IGSF3: variants seen among roughly 807,000 people sequenced by gnomAD.
IGSF3 encodes glu-Trp-Ile EWI motif-containing protein 3.
Under a neutral mutation model 114.4 loss-of-function variants are expected in IGSF3, and 23 were observed. That is an observed-to-expected ratio of 0.20 (90% CI 0.14 to 0.28). The LOEUF is 0.28. Among genes scored for constraint, IGSF3 ranks in the 10% least tolerant of loss-of-function variants. The pLI, the probability that IGSF3 is intolerant of heterozygous loss-of-function variation, is 1.00. For synonymous variants in IGSF3, 571 were observed against 645.2 expected (o/e 0.88, Z 1.74); for missense variants, 1,172 against 1,591.5 (o/e 0.74, Z 4.48).
In IGSF3 at chr1:116,632,614, T is replaced by C. The variant is rs1647642752; in HGVS notation, c.44-16157A>G. ...ATCCTTTTTCAGGCATATATTTTTGTCTCCTCAAACTTAAGAAAAGCATTA... is the reference window on the plus strand; with the variant it reads ...ATCCTTTTTCAGGCATATATTTTTGCCTCCTCAAACTTAAGAAAAGCATTA... On this transcript the variant is annotated intron_variant, in intron 2 of 10. Transcript: ENST00000369486. The surrounding 1 kb of genome is among the most constrained non-coding windows in gnomAD (Gnocchi z 5.1). Among the ~76,000 whole-genome samples, 1 of 152,124 alleles carries C rather than the reference T, an allele frequency of 6.6e-6. No homozygotes were observed. The highest frequency in any genetic ancestry group is 1.9e-4 in the East Asian group (1 of 5,192).
Position 116,584,404 on chromosome 1 carries a change from A to G in IGSF3, c.2848+241T>C, listed in dbSNP as rs549778153. The stretch of plus-strand genomic sequence containing the variant: ...AATATTCTATGACCTGGAATAATTA[A>G]TGGCCAGATTTTATTCTATTTAAGA... On this transcript the variant is annotated intron_variant, in intron 9 of 10. Coordinates refer to ENST00000369486, the MANE Select transcript of IGSF3 (RefSeq NM_001007237.3). This position sits in a 1 kb window ranked among gnomAD's most constrained non-coding sequence, Gnocchi z 5.8. The G allele has an allele frequency of 2.0e-6, 1 of 500,780 alleles. No homozygotes were observed. The highest frequency in any genetic ancestry group is 3.1e-5 in the East Asian group (1 of 32,006). 31.0% of individuals were successfully genotyped at this position (500,780 alleles called of 1,614,324 possible). A position where few individuals can be genotyped will look rare whatever the true frequency, so the allele number is the denominator to read the frequency against.
chr1:116,590,497 C>A (rs1356778525), intron 7 of IGSF3, among the ~76,000 whole-genome samples: 1 of 152,220 alleles, frequency 6.6e-6, no homozygotes, highest in Non-Finnish European at 1.5e-5. Context: ...CACTTCCCAG[C>A]TGAGAAAGAA....
intron 2 of IGSF3, among the ~76,000 whole-genome samples, chr1:116,653,450 C>T (rs955627513): frequency 1.5e-4 from 23 of 152,178 alleles, no homozygotes; most frequent in African/African-American, 5.3e-4. Context: ...CTGAATCTGG[C>T]CTTATCTTCA....
In IGSF3 at chr1:116,584,716, C is replaced by T; in HGVS notation, c.2777G>A (p.Ser926Asn). The change falls in exon 9 of 11, where the codon AGC becomes AAC. Residue 926 changes from serine (S) to asparagine (N), a missense_variant. By Grantham distance (46) the Ser-to-Asn change is conservative. Coordinates refer to ENST00000369486, the MANE Select transcript of IGSF3 (RefSeq NM_001007237.3). This position sits in a 1 kb window ranked among gnomAD's most constrained non-coding sequence, Gnocchi z 5.8. Reference sequence around the variant, plus strand: ...CCGCTTATACCACATGCCACTGGGGCTGGGCAGCCACTCCTCCACATGGCA... The same window carrying T: ...CCGCTTATACCACATGCCACTGGGGTTGGGCAGCCACTCCTCCACATGGCA... The part of the protein sequence containing the change: ...YSCHVEEWLP[S>N]PSGMWYKRAE... The T allele has an allele frequency of 6.2e-7, 1 of 1,613,554 alleles. No homozygotes were observed. Among genetic ancestry groups the T allele is most frequent in the Non-Finnish European group, 8.5e-7 (1 of 1,179,452 alleles).
rs1233651934 is a variant in IGSF3 at position 116,596,923 on chromosome 1, T to C, written c.2029+3018A>G. ...GTTTACAAGAAATGCTCAGTGAATA[T>C]TAGCTGCTACTGTTGTTACTACCAG... On this transcript the variant is annotated intron_variant, in intron 7 of 10. Coordinates refer to ENST00000369486, the MANE Select transcript of IGSF3 (RefSeq NM_001007237.3). This position sits in a 1 kb window ranked among gnomAD's most constrained non-coding sequence, Gnocchi z 4.1. Among the ~76,000 whole-genome samples, 6 of 152,214 alleles carry C rather than the reference T, an allele frequency of 3.9e-5. No homozygotes were observed. The highest frequency in any genetic ancestry group is 5.9e-5 in the Non-Finnish European group (4 of 68,038).
chr1:116,599,880 T>A (rs1660497568), intron 7 of IGSF3, 61 bp downstream of exon 7: 2 of 1,504,482 alleles, frequency 1.3e-6, no homozygotes, highest in Non-Finnish European at 1.8e-6. Flanking sequence ...CACACCTTTC[T>A]TTTTCCCTCA....
rs1659810229 is a variant in IGSF3 at position 116,585,640 on chromosome 1, T to C, written c.2441-588A>G. 6.6e-6 allele frequency among the ~76,000 whole-genome samples: 1 copy of C among 152,172 alleles called. No individual in the cohort carries two copies. The highest frequency in any genetic ancestry group is 2.4e-5 in the African/African-American group (1 of 41,450). On this transcript the variant is annotated intron_variant, in intron 8 of 10. Coordinates refer to ENST00000369486, the MANE Select transcript of IGSF3 (RefSeq NM_001007237.3). This position sits in a 1 kb window ranked among gnomAD's most constrained non-coding sequence, Gnocchi z 4.9. ...GATATGACATCAGTAAAGAAAAGACTGCCAGACAAGGTGGCTCACGCCTGT... is the reference window on the plus strand; with the variant it reads ...GATATGACATCAGTAAAGAAAAGACCGCCAGACAAGGTGGCTCACGCCTGT...
At chr1:116,609,943 C>T (rs71666799) in intron 4 of IGSF3, among the ~76,000 whole-genome samples, 11 of 152,298 alleles carry the variant, frequency 7.2e-5, no homozygotes, top group African/African-American at 2.2e-4. Flanking sequence ...GCAAATACCC[C>T]TTCTTTCCAG....
At chr1:116,626,263 T>C (rs560281198) in intron 2 of IGSF3, among the ~76,000 whole-genome samples, 3 of 151,668 alleles carry the variant, frequency 2.0e-5, no homozygotes, top group Admixed American at 2.0e-4. Flanking sequence ...AAAAAAAAAA[T>C]GCTTTTATAT....
At position 116,603,709 on chromosome 1, in the gene IGSF3, C is replaced by T; in HGVS notation, c.1539G>A (p.Val513=). 2 of 1,613,984 alleles carry T rather than the reference C, an allele frequency of 1.2e-6. No homozygotes were observed. Among genetic ancestry groups the T allele is most frequent in the Admixed American group, 1.7e-5 (1 of 60,026 alleles). ...CATCCACTGCCCGCACCCATTCAGT[C>T]ACATGGCATTCATACTGGCCCTCGT... ...KEDEGQYECH[V]TEWVRAVDGE... Residue 513 remains valine, a synonymous_variant, in exon 6 of 11, where the codon GTG becomes GTA. Transcript: ENST00000369486. This position sits in a 1 kb window ranked among gnomAD's most constrained non-coding sequence, Gnocchi z 7.1.
chr1:116,644,434 T>C lies in IGSF3; in HGVS notation c.43+21850A>G, dbSNP rs1298976031. 6.6e-6 allele frequency among the ~76,000 whole-genome samples: 1 copy of C among 152,234 alleles called. No individual in the cohort carries two copies. The highest frequency in any genetic ancestry group is 1.5e-5 in the Non-Finnish European group (1 of 68,038). ...CAGCCTCTGGCAGCCGTGATGATGC[T>C]GAGGCAGTGTCCCCACTGCCCCAGT... On this transcript the variant is annotated intron_variant, in intron 2 of 10. Transcript: ENST00000369486. This position sits in a 1 kb window ranked among gnomAD's most constrained non-coding sequence, Gnocchi z 5.6.
intron 4 of IGSF3, among the ~76,000 whole-genome samples, chr1:116,609,664 G>A (rs545977299): frequency 2.6e-5 from 4 of 152,152 alleles, no homozygotes; most frequent in South Asian, 2.1e-4. Context: ...TGGCAGAGAC[G>A]TTTGAATTCC....
In IGSF3 at chr1:116,629,390, A is replaced by G. The variant is rs1283942478; in HGVS notation, c.44-12933T>C. 1.3e-5 allele frequency among the ~76,000 whole-genome samples: 2 copies of G among 152,224 alleles called. No homozygotes were observed. The highest frequency in any genetic ancestry group is 4.8e-5 in the African/African-American group (2 of 41,462). On this transcript the variant is annotated intron_variant, in intron 2 of 10. Coordinates refer to ENST00000369486, the MANE Select transcript of IGSF3 (RefSeq NM_001007237.3). The surrounding 1 kb of genome is among the most constrained non-coding windows in gnomAD (Gnocchi z 4.3). ...TAATAAGGGATTGTTTTTTCTTTGC[A>G]CTTTGTGTTTTCTAAGTATTCCATA...
chr1:116,592,659 G>A lies in IGSF3; in HGVS notation c.2030-3555C>T, dbSNP rs980319571. Among the ~76,000 whole-genome samples the A allele has an allele frequency of 2.0e-5, 3 of 152,224 alleles. No homozygotes were observed. The highest frequency in any genetic ancestry group is 2.9e-5 in the Non-Finnish European group (2 of 68,020). On this transcript the variant is annotated intron_variant, in intron 7 of 10. Transcript: ENST00000369486. The surrounding 1 kb of genome is among the most constrained non-coding windows in gnomAD (Gnocchi z 4.5). Reference sequence around the variant, plus strand: ...CCTCCCTTCGGATTCCACTCTGTGCGTGCTCTTCTCACTCAAAACTCATTT... The same window carrying A: ...CCTCCCTTCGGATTCCACTCTGTGCATGCTCTTCTCACTCAAAACTCATTT...
At chr1:116,659,981 G>GGACC (rs1442054812) in intron 2 of IGSF3, among the ~76,000 whole-genome samples, 4 of 152,082 alleles carry the variant, frequency 2.6e-5, no homozygotes, top group Non-Finnish European at 5.9e-5. Flanking sequence ...CCAAAGCCAG[G>GGACC]GACCACGAGA....
intron 2 of IGSF3, among the ~76,000 whole-genome samples, chr1:116,621,002 G>A (rs576101902): frequency 2.4e-4 from 36 of 152,282 alleles, no homozygotes; most frequent in African/African-American, 8.7e-4. Flanking sequence ...GTTAGAGGTG[G>A]GGCCTGGTGG....
Position 116,584,914 on chromosome 1 carries a change from T to A in IGSF3, c.2579A>T (p.Asn860Ile). ...GGCCACAGTCTCCCGCTCAGGGTGG[T>A]TGGGCTTCCATACAAACCATTCCAC... ...LMVEWFVWKP[N>I]HPERETVARL... is the part of the protein sequence containing the mutation. Residue 860 changes from asparagine (N) to isoleucine (I), a missense_variant, in exon 9 of 11, where the codon AAC (asparagine) becomes ATC (isoleucine). Physicochemically the swap from Asn to Ile is moderately radical, Grantham distance 149. This residue lies in a region of IGSF3 where 423 missense variants were observed against 509.8 expected (regional missense o/e 0.83). Coordinates refer to ENST00000369486, the MANE Select transcript of IGSF3 (RefSeq NM_001007237.3). This position sits in a 1 kb window ranked among gnomAD's most constrained non-coding sequence, Gnocchi z 5.8. The A allele has an allele frequency of 1.9e-6, 3 of 1,614,128 alleles. No individual in the cohort carries two copies. The highest frequency in any genetic ancestry group is 1.7e-6 in the Non-Finnish European group (2 of 1,179,990).
rs770189352 is a variant in IGSF3 at position 116,614,005 on chromosome 1, G to C, written c.592C>G (p.Leu198Val). ...GAGTGAAGCATGAAATCTCGGCTCA[G>C]GGAGATGACCTCCACGGGCTTCTCG... ...VGEKPVEVIS[L>V]SRDFMLHSSS... Residue 198 changes from leucine (L) to valine (V), a missense_variant, in exon 4 of 11, where the codon CTG becomes GTG. By Grantham distance (32) the Leu-to-Val change is conservative (BLOSUM62 1). This residue lies in a region of IGSF3 where 736 missense variants were observed against 1,042.0 expected (regional missense o/e 0.71). Coordinates refer to ENST00000369486, the MANE Select transcript of IGSF3 (RefSeq NM_001007237.3). This position sits in a 1 kb window ranked among gnomAD's most constrained non-coding sequence, Gnocchi z 4.5. 1.2e-6 allele frequency: 2 copies of C among 1,613,946 alleles called. No homozygotes were observed. The highest frequency in any genetic ancestry group is 2.7e-5 in the African/African-American group (2 of 74,922).
rs576221184 is a variant in IGSF3, at chr1:116,654,774, A to G, written c.43+11510T>C. Among the ~76,000 whole-genome samples the G allele has an allele frequency of 1.2e-4, 18 of 152,196 alleles. No individual in the cohort carries two copies. The highest frequency in any genetic ancestry group is 2.2e-4 in the Non-Finnish European group (15 of 68,042). ...AATTCCCAATTCCCACACACAAGCAACATCCCCAGCAGTAATAAGGACGTT... is the reference window on the plus strand; with the variant it reads ...AATTCCCAATTCCCACACACAAGCAGCATCCCCAGCAGTAATAAGGACGTT... On this transcript the variant is annotated intron_variant, in intron 2 of 10. Coordinates refer to ENST00000369486, the MANE Select transcript of IGSF3 (RefSeq NM_001007237.3). The surrounding 1 kb of genome is among the most constrained non-coding windows in gnomAD (Gnocchi z 4.4).
Sources: gnomAD v4.1 joint callset for allele counts (sites outside exome capture counted in the v4.1 genomes callset) on GRCh38, gnomAD v4.1.1 for gene constraint, gnomAD v4.1.1 regional missense constraint, Gnocchi (gnomAD v3.1) non-coding constraint, MANE v1.5 for transcripts, NCBI Gene and HGNC (gene_info 2026-07-23, HGNC 2026-07-21) for gene names.